PRDM10: variants seen among roughly 807,000 people sequenced by gnomAD.
PRDM10 encodes the protein PR domain zinc finger protein 10.
In PRDM10, 65 loss-of-function variants were observed where a neutral mutation model predicts 133.1. The observed-to-expected ratio is 0.49, with a 90% CI of 0.40 to 0.60. PRDM10 has a LOEUF of 0.60. Among genes scored for constraint, PRDM10 ranks in the 20% least tolerant of loss-of-function variants. The probability of loss-of-function intolerance (pLI) is 0.00; values close to 1 mark genes in which losing one functional copy is unlikely to be tolerated. For missense variants in PRDM10, 1,137 were observed against 1,507.1 expected (o/e 0.75, Z 4.07); for synonymous variants, 582 against 580.4 (o/e 1.00, Z -0.04).
chr11:129,935,009 C>T (rs1247636598), intron 9 of PRDM10, 92 bp downstream of exon 9: 2 of 1,094,118 alleles, frequency 1.8e-6, no homozygotes, highest in East Asian at 4.8e-5. Context: ...CTATACATGA[C>T]ACTCGGAGAC....
At chr11:129,991,146 A>G (rs1352534343) in intron 1 of PRDM10, among the ~76,000 whole-genome samples, 1 of 152,252 alleles carries the variant, frequency 6.6e-6, no homozygotes, top group African/African-American at 2.4e-5. Flanking sequence ...TCAATAGTAT[A>G]GAGTATAATG....
Position 129,947,026 on chromosome 11 carries a change from AC to A in PRDM10, c.520+118del. On this transcript the variant is annotated intron_variant, in intron 5 of 20. Transcript: ENST00000360871. The surrounding 1 kb of genome is among the most constrained non-coding windows in gnomAD (Gnocchi z 4.6). ...GGATGAAGCAAGCAGAGAATGTAGC[AC>A]AGTTGGCTGCACACGGAAGGACCTG... is the stretch of plus-strand genomic sequence containing the variant. The A allele has an allele frequency of 7.3e-7, 1 of 1,361,060 alleles. No homozygotes were observed. The highest frequency in any genetic ancestry group is 1.3e-5 in the South Asian group (1 of 75,332). The allele number at this position is 1,361,060 out of a possible 1,614,324, so 84.3% of individuals were successfully genotyped here.
At chr11:129,983,439 T>C (rs1938231840) in intron 1 of PRDM10, among the ~76,000 whole-genome samples, 2 of 151,884 alleles carry the variant, frequency 1.3e-5, no homozygotes, top group Admixed American at 6.6e-5. Flanking sequence ...GTACTACAGG[T>C]GCCCCCCACC....
intron 1 of PRDM10, among the ~76,000 whole-genome samples, chr11:129,971,018 G>C (rs1001114797): frequency 2.0e-5 from 3 of 152,132 alleles, no homozygotes; most frequent in African/African-American, 7.2e-5. Flanking sequence ...CCCTCGCGAT[G>C]AGTGTTACAG....
intron 17 of PRDM10, 161 bp downstream of exon 17, chr11:129,914,543 G>T: frequency 3.2e-6 from 3 of 948,636 alleles, no homozygotes; most frequent in Non-Finnish European, 3.3e-6. Flanking sequence ...AAGGCCAGAG[G>T]CCTCATCAGC....
At chr11:129,930,788 C>T (rs1183216947) in intron 11 of PRDM10, among the ~76,000 whole-genome samples, 8 of 152,178 alleles carry the variant, frequency 5.3e-5, no homozygotes, top group Admixed American at 2.0e-4. Flanking sequence ...GCCTCTGTGT[C>T]GTCACTAAAT....
At position 129,947,696 on chromosome 11, in the gene PRDM10, C is replaced by T. The variant is rs918723611; in HGVS notation, c.295-326G>A. ...ACACTGGCAAGGCCCTGACCACCTGCGTCCTGACCCCACCCCTAAAACTTA... is the reference window on the plus strand; with the variant it reads ...ACACTGGCAAGGCCCTGACCACCTGTGTCCTGACCCCACCCCTAAAACTTA... On this transcript the variant is annotated intron_variant, in intron 4 of 20. Transcript: ENST00000360871. This position sits in a 1 kb window ranked among gnomAD's most constrained non-coding sequence, Gnocchi z 4.6. 9.2e-5 allele frequency: 52 copies of T among 565,674 alleles called. 1 individual carries two copies. In the Admixed American group the frequency reaches 1.6e-3, roughly 17 times the overall value. The allele number at this position is 565,674 out of a possible 1,614,324, so 35.0% of individuals were successfully genotyped here.
At chr11:129,944,393 G>A (rs566463560) in intron 6 of PRDM10, among the ~76,000 whole-genome samples, 8 of 151,166 alleles carry the variant, frequency 5.3e-5, no homozygotes, top group Admixed American at 1.3e-4. Context: ...AGGAGATCGA[G>A]ACCACGGTGA....
intron 1 of PRDM10, among the ~76,000 whole-genome samples, chr11:129,966,581 G>C (rs1488323127): frequency 6.6e-6 from 1 of 152,208 alleles, no homozygotes; most frequent in Non-Finnish European, 1.5e-5. Flanking sequence ...CATGGGAACA[G>C]TAGCAGGGCA....
intron 1 of PRDM10, among the ~76,000 whole-genome samples, chr11:129,994,354 A>G (rs1406188645): frequency 7.4e-6 from 1 of 135,194 alleles, no homozygotes; most frequent in Non-Finnish European, 1.5e-5. Flanking sequence ...AATCCCAGCT[A>G]CTCAGGAGGC....
rs867574729 is a variant in PRDM10 at position 129,923,693 on chromosome 11, A to C, written c.1879-290T>G. Among the ~76,000 whole-genome samples, 154 of 135,670 alleles carry C rather than the reference A, an allele frequency of 1.1e-3. 6 individuals are homozygous for C. Among genetic ancestry groups the C allele is most frequent in the African/African-American group, 4.0e-3 (141 of 35,510 alleles). The allele number at this position is 135,670 out of a possible 152,430, so 89.0% of individuals were successfully genotyped here. ...GAGAGAGAGAGAGAGAGAGAGAGAG[A>C]GTGCTTGCTTGGTCAAAGCCCTGAT... On this transcript the variant is annotated intron_variant, in intron 12 of 20. Coordinates refer to ENST00000360871, the MANE Select transcript of PRDM10 (RefSeq NM_199437.2). This position sits in a 1 kb window ranked among gnomAD's most constrained non-coding sequence, Gnocchi z 4.4.
intron 17 of PRDM10, among the ~76,000 whole-genome samples, chr11:129,913,249 A>T (rs1950249263): frequency 6.6e-6 from 1 of 151,700 alleles, no homozygotes; most frequent in Non-Finnish European, 1.5e-5. Flanking sequence ...AACCAAAAAC[A>T]ATATCCCAAT....
chr11:129,984,325 C>A (rs1240456254), intron 1 of PRDM10, among the ~76,000 whole-genome samples: 1 of 152,218 alleles, frequency 6.6e-6, no homozygotes, highest in Non-Finnish European at 1.5e-5. Flanking sequence ...AAACTGTGTA[C>A]TTTTCTAGAC....
chr11:129,957,227 T>C (rs1188520456), intron 3 of PRDM10, among the ~76,000 whole-genome samples: 1 of 152,238 alleles, frequency 6.6e-6, no homozygotes, highest in Non-Finnish European at 1.5e-5. Context: ...AGAAGAGCTA[T>C]ATACGAACCC....
At chr11:129,925,764 C>A (rs573448076) in intron 11 of PRDM10, among the ~76,000 whole-genome samples, 9 of 152,226 alleles carry the variant, frequency 5.9e-5, no homozygotes, top group Middle Eastern at 3.4e-3. Context: ...TCCTTGCCAG[C>A]GGCAGGATGG....
intron 1 of PRDM10, among the ~76,000 whole-genome samples, chr11:129,988,734 AT>A (rs1938565395): frequency 6.6e-6 from 1 of 151,804 alleles, no homozygotes; most frequent in East Asian, 1.9e-4. Context: ...GGTTCACGCC[AT>A]TCTCCTGCCT....
chr11:129,924,822 ATCGAAGT>A, intron 12 of PRDM10, 53 bp downstream of exon 12: 1 of 1,463,388 alleles, frequency 6.8e-7, no homozygotes, highest in Non-Finnish European at 9.2e-7. Flanking sequence ...TTTTCCAAAA[ATCGAAGT>A]TTCTTTTACC....
intron 1 of PRDM10, among the ~76,000 whole-genome samples, chr11:129,964,193 C>T (rs1407154435): frequency 6.6e-6 from 1 of 152,214 alleles, no homozygotes; most frequent in Non-Finnish European, 1.5e-5. Context: ...CTATGCTAGG[C>T]ACTGGGGTGC....
At chr11:129,957,678 G>T in intron 3 of PRDM10, 68 bp downstream of exon 3, 1 of 1,539,438 alleles carries the variant, frequency 6.5e-7, no homozygotes. Context: ...ATGACTGACA[G>T]AAAGTAAACA....
Sources: gnomAD v4.1 joint callset for allele counts (sites outside exome capture counted in the v4.1 genomes callset) on GRCh38, gnomAD v4.1.1 for gene constraint, Gnocchi (gnomAD v3.1) non-coding constraint, MANE v1.5 for transcripts, NCBI Gene and HGNC (gene_info 2026-07-23, HGNC 2026-07-21) for gene names.